SV2C: variants seen among roughly 807,000 people sequenced by gnomAD.
SV2C encodes the protein solute carrier family 22 member B3.
In SV2C, 49 loss-of-function variants were observed where a neutral mutation model predicts 79.7. The observed-to-expected ratio is 0.61, with a 90% confidence interval of 0.49 to 0.78. The LOEUF (loss-of-function observed/expected upper bound fraction) is 0.78. Among genes scored for constraint, SV2C ranks in the 30% least tolerant of loss-of-function variants. SV2C has a pLI of 0.00. For synonymous variants in SV2C, 334 were observed against 333.2 expected (o/e 1.00, Z -0.03); for missense variants, 833 against 912.9 (o/e 0.91, Z 1.13).
chr5:75,849,899 T>C, the SV2C span, among the ~76,000 whole-genome samples: 5 of 152,216 alleles, frequency 3.3e-5, no homozygotes, highest in African/African-American at 9.6e-5. Context: ...TTTCTTCCTT[T>C]TCTTTTCTTT....
At chr5:75,942,076 A>G in the SV2C span, among the ~76,000 whole-genome samples, 12 of 152,186 alleles carry the variant, frequency 7.9e-5, no homozygotes, top group South Asian at 2.1e-4. Context: ...GGACAAGGTT[A>G]AGAGAGTTCT....
the SV2C span, among the ~76,000 whole-genome samples, chr5:76,069,884 G>A: frequency 3.8e-4 from 53 of 140,622 alleles, 1 homozygote; most frequent in Admixed American, 2.2e-4. Flanking sequence ...ACACCCTTTC[G>A]TGGCCTAAGT....
intron 12 of SV2C, among the ~76,000 whole-genome samples, chr5:76,311,778 T>G (rs968257082): frequency 2.0e-5 from 3 of 152,172 alleles, no homozygotes; most frequent in African/African-American, 7.2e-5. Flanking sequence ...TCTAACATAC[T>G]GGTGTGGGGG....
In SV2C at chr5:76,285,250, G is replaced by A. The variant is rs1461641277; in HGVS notation, c.1002G>A (p.Val334=). 1.9e-6 allele frequency: 3 copies of A among 1,614,042 alleles called. No homozygotes were observed. The Admixed American group carries it at 5.0e-5, about 27-fold the overall frequency. ...GTGCACTCCCCTGTGTCTCCTCCGT[G>A]GTGGCCCTCACATTCATGCCTGAAA... is the stretch of plus-strand genomic sequence containing the variant. ...IVCALPCVSS[V]VALTFMPESP... is the part of the protein sequence containing the mutation. Residue 334 remains valine (V), a synonymous_variant, in exon 5 of 13, where the codon GTG becomes GTA. Transcript: ENST00000502798.
chr5:75,911,103 T>G, the SV2C span: 6 of 1,476,114 alleles, frequency 4.1e-6, no homozygotes, highest in Non-Finnish European at 5.7e-6. Flanking sequence ...AAGATAATTC[T>G]GAGATCAAGG....
the SV2C span, chr5:75,911,080 T>G: frequency 2.7e-5 from 37 of 1,369,930 alleles, no homozygotes; most frequent in Admixed American, 1.3e-4. Flanking sequence ...TGGAACCTGA[T>G]GCAGCCCGGG....
At chr5:75,897,313 A>G in the SV2C span, among the ~76,000 whole-genome samples, 1 of 151,936 alleles carries the variant, frequency 6.6e-6, no homozygotes, top group Non-Finnish European at 1.5e-5. Context: ...AGCACCATTT[A>G]TTAAATAGGG....
At chr5:75,973,579 C>T in the SV2C span, among the ~76,000 whole-genome samples, 22 of 151,558 alleles carry the variant, frequency 1.5e-4, no homozygotes, top group East Asian at 3.9e-4. Flanking sequence ...GAAAGATAGA[C>T]GAGGGGAGAT....
chr5:76,301,766 G>A (rs569442119), intron 12 of SV2C, among the ~76,000 whole-genome samples: 3 of 151,900 alleles, frequency 2.0e-5, no homozygotes, highest in Admixed American at 6.6e-5. Flanking sequence ...AAAATTAGCC[G>A]GGTGTGGTGC....
chr5:76,335,867 G>A (rs1020682258), downstream of SV2C, among the ~76,000 whole-genome samples: 1 of 152,066 alleles, frequency 6.6e-6, no homozygotes, highest in African/African-American at 2.4e-5. Flanking sequence ...ATCCTTTCTC[G>A]GCCTTTCCCC....
chr5:76,132,354 C>T (rs1317223900), intron 2 of SV2C, 24 bp downstream of exon 2: 8 of 1,575,188 alleles, frequency 5.1e-6, no homozygotes, highest in Non-Finnish European at 6.9e-6. Flanking sequence ...GTCAGTGAGG[C>T]CAACTCTGAA....
chr5:76,035,894 G>T, the SV2C span, among the ~76,000 whole-genome samples: 470 of 152,158 alleles, frequency 3.1e-3, 4 homozygotes, highest in East Asian at 0.028. Context: ...TCTCTTTGTA[G>T]GTCACTCAGG....
chr5:76,069,287 T>G, the SV2C span, among the ~76,000 whole-genome samples: 2 of 152,222 alleles, frequency 1.3e-5, no homozygotes, highest in Non-Finnish European at 2.9e-5. Context: ...TCTGACTTTA[T>G]GGCTGCTCCA....
At chr5:75,910,779 A>T in the SV2C span, 1 of 1,350,980 alleles carries the variant, frequency 7.4e-7, no homozygotes, top group Non-Finnish European at 1.1e-6. Context: ...TATAACAGTC[A>T]TGTTGGCTGC....
the SV2C span, among the ~76,000 whole-genome samples, chr5:75,881,240 A>T: frequency 1.3e-5 from 2 of 152,154 alleles, no homozygotes. Flanking sequence ...CATTCATTTC[A>T]CCTAATTCCT....
At chr5:76,007,763 T>A in the SV2C span, among the ~76,000 whole-genome samples, 1 of 152,318 alleles carries the variant, frequency 6.6e-6, no homozygotes, top group South Asian at 2.1e-4. Context: ...AATGAAACTT[T>A]TAGGAGACCC....
At chr5:76,191,711 G>A (rs1010923096) in intron 2 of SV2C, among the ~76,000 whole-genome samples, 6 of 152,236 alleles carry the variant, frequency 3.9e-5, no homozygotes, top group Non-Finnish European at 8.8e-5. Flanking sequence ...TAATGAGGAA[G>A]TCATACTTGA....
intron 4 of SV2C, among the ~76,000 whole-genome samples, chr5:76,237,134 C>T (rs113297426): frequency 3.3e-5 from 5 of 152,120 alleles, no homozygotes; most frequent in African/African-American, 1.2e-4. Flanking sequence ...ATTCCCCAGT[C>T]GTGGGTATTT....
At chr5:75,975,553 A>T in the SV2C span, among the ~76,000 whole-genome samples, 1 of 152,126 alleles carries the variant, frequency 6.6e-6, no homozygotes, top group African/African-American at 2.4e-5. Context: ...TGAATCTTTT[A>T]AGCTTTCTCA....
Sources: gnomAD v4.1 joint callset for allele counts (sites outside exome capture counted in the v4.1 genomes callset) on GRCh38, gnomAD v4.1.1 for gene constraint, MANE v1.5 for transcripts, NCBI Gene and HGNC (gene_info 2026-07-23, HGNC 2026-07-21) for gene names.